ITCH: variants seen among roughly 807,000 people sequenced by gnomAD.
ITCH encodes E3 ubiquitin-protein ligase Itchy homolog.
Under a neutral mutation model 126.8 loss-of-function variants are expected in ITCH, and 28 were observed. That is an observed-to-expected ratio of 0.22 (90% confidence interval 0.16 to 0.30). The LOEUF (loss-of-function observed/expected upper bound fraction) is 0.30. Ranked by LOEUF, ITCH falls within the 10% of genes least tolerant of loss-of-function variation. ITCH has a pLI of 1.00. For missense variants in ITCH, 631 were observed against 1,032.4 expected, an observed-to-expected ratio of 0.61 and a Z score of 5.33; for synonymous variants, 342 against 340.0, an observed-to-expected ratio of 1.01 and a Z score of -0.06.
At chr20:34,408,299 A>G (rs185874766) in intron 3 of ITCH, among the ~76,000 whole-genome samples, 16 of 152,246 alleles carry the variant, frequency 1.1e-4, no homozygotes, top group Admixed American at 3.3e-4. Flanking sequence ...GTCTTCGACT[A>G]CTGAGCTTAG....
At position 34,369,395 on chromosome 20, in the gene ITCH, T is replaced by G. The variant is rs2037536807; in HGVS notation, c.-97T>G. Reference sequence around the variant, plus strand: ...AATGGACTCTCCTTCCTTTCTCAGGTACCATGCATTTCACGGTGGCCTTGT... The same window carrying G: ...AATGGACTCTCCTTCCTTTCTCAGGGACCATGCATTTCACGGTGGCCTTGT... On this transcript the variant is annotated splice_region_variant and 5_prime_UTR_variant, in exon 2 of 25. Coordinates refer to ENST00000374864, the MANE Select transcript of ITCH (RefSeq NM_031483.7). The G allele has an allele frequency of 7.5e-6, 3 of 398,872 alleles. No homozygotes were observed. Among genetic ancestry groups the G allele is most frequent in the African/African-American group, 2.1e-5 (1 of 48,606 alleles). 24.7% of individuals were successfully genotyped at this position (398,872 alleles called of 1,614,324 possible). A position where few individuals can be genotyped will look rare whatever the true frequency, so the allele number is the denominator to read the frequency against.
chr20:34,423,769 A>G (rs1221814897), intron 6 of ITCH, among the ~76,000 whole-genome samples: 2 of 152,004 alleles, frequency 1.3e-5, no homozygotes, highest in Non-Finnish European at 2.9e-5. Context: ...ACTCTTGGCT[A>G]ATTTTTGTAT....
chr20:34,368,000 G>T (rs1234518917), intron 1 of ITCH, among the ~76,000 whole-genome samples: 1 of 152,184 alleles, frequency 6.6e-6, no homozygotes, highest in Non-Finnish European at 1.5e-5. Context: ...GCCGGGCGCG[G>T]TGGCTCATGC....
At chr20:34,364,887 C>T (rs1344469639) in intron 1 of ITCH, among the ~76,000 whole-genome samples, 3 of 109,702 alleles carry the variant, frequency 2.7e-5, no homozygotes, top group South Asian at 3.4e-4. Context: ...CGAGACTCCG[C>T]CTCAAAAAAA....
At chr20:34,373,539 G>A (rs1230419796) in intron 2 of ITCH, among the ~76,000 whole-genome samples, 1 of 152,116 alleles carries the variant, frequency 6.6e-6, no homozygotes, top group Non-Finnish European at 1.5e-5. Context: ...GCCTCCCAAA[G>A]TGCTGGAATT....
At chr20:34,494,732 G>C (rs975153260) in intron 23 of ITCH, among the ~76,000 whole-genome samples, 13 of 152,118 alleles carry the variant, frequency 8.5e-5, no homozygotes, top group African/African-American at 2.2e-4. Context: ...GCTGAGGCAG[G>C]AGGAACACAC....
At chr20:34,485,315 C>T (rs771673688) in intron 20 of ITCH, among the ~76,000 whole-genome samples, 1 of 152,060 alleles carries the variant, frequency 6.6e-6, no homozygotes, top group Non-Finnish European at 1.5e-5. Flanking sequence ...GGAGTGAAAT[C>T]GCTGGGAAGG....
At chr20:34,464,396 G>A (rs1013426479) in intron 14 of ITCH, among the ~76,000 whole-genome samples, 6 of 147,798 alleles carry the variant, frequency 4.1e-5, no homozygotes, top group African/African-American at 1.5e-4. Flanking sequence ...GTGCGATCTC[G>A]GCTCACCACA....
At chr20:34,404,923 C>T (rs993573797) in intron 3 of ITCH, among the ~76,000 whole-genome samples, 9 of 151,688 alleles carry the variant, frequency 5.9e-5, no homozygotes, top group African/African-American at 2.2e-4. Context: ...CTCTTGAGCC[C>T]AGGAGTACAA....
At chr20:34,418,905 G>A (rs1980360399) in intron 6 of ITCH, among the ~76,000 whole-genome samples, 2 of 151,834 alleles carry the variant, frequency 1.3e-5, no homozygotes, top group Non-Finnish European at 2.9e-5. Flanking sequence ...GGGATTACAG[G>A]CAAGCGCCAC....
intron 4 of ITCH, among the ~76,000 whole-genome samples, chr20:34,410,579 A>G (rs1333876458): frequency 2.0e-5 from 3 of 152,140 alleles, no homozygotes; most frequent in African/African-American, 7.2e-5. Flanking sequence ...ATGACTGCAC[A>G]TGTTTGCAAT....
intron 3 of ITCH, among the ~76,000 whole-genome samples, chr20:34,406,576 C>T (rs897634579): frequency 3.0e-4 from 45 of 151,404 alleles, no homozygotes; most frequent in African/African-American, 9.9e-4. Flanking sequence ...GCTCTGTCAC[C>T]CAGGCTGGAG....
At chr20:34,507,062 T>C (rs929087838) in intron 24 of ITCH, among the ~76,000 whole-genome samples, 5 of 152,184 alleles carry the variant, frequency 3.3e-5, no homozygotes, top group Non-Finnish European at 5.9e-5. Flanking sequence ...TATCTGTCCA[T>C]GGCCCTGCTT....
chr20:34,442,374 C>T, intron 10 of ITCH, 71 bp downstream of exon 10: 1 of 1,110,708 alleles, frequency 9.0e-7, no homozygotes, highest in Non-Finnish European at 1.4e-6. Flanking sequence ...ATAATCTTCC[C>T]TACATTTCTG....
chr20:34,477,881 C>T, intron 17 of ITCH, 21 bp downstream of exon 17: 1 of 1,612,726 alleles, frequency 6.2e-7, no homozygotes, highest in Non-Finnish European at 8.5e-7. Context: ...TATGAATACT[C>T]AGAACTTAGT....
chr20:34,414,166 A>AT (rs1429697001), intron 6 of ITCH, among the ~76,000 whole-genome samples: 6 of 151,112 alleles, frequency 4.0e-5, no homozygotes, highest in Non-Finnish European at 7.4e-5. Context: ...AAAAGAAATG[A>AT]TTTTTTTCTT....
intron 6 of ITCH, among the ~76,000 whole-genome samples, chr20:34,415,216 A>T (rs1053764068): frequency 1.3e-5 from 2 of 152,224 alleles, no homozygotes; most frequent in Middle Eastern, 3.4e-3. Flanking sequence ...TTCTTTTTCT[A>T]CTTTGTTGAA....
At chr20:34,505,009 T>C (rs1438751056) in intron 24 of ITCH, among the ~76,000 whole-genome samples, 1 of 152,190 alleles carries the variant, frequency 6.6e-6, no homozygotes, top group Non-Finnish European at 1.5e-5. Context: ...TCTTAAATTA[T>C]GCAGTTCGGT....
At chr20:34,394,465 A>G (rs2038602442) in intron 3 of ITCH, among the ~76,000 whole-genome samples, 1 of 152,138 alleles carries the variant, frequency 6.6e-6, no homozygotes, top group East Asian at 1.9e-4. Context: ...CAGGTTACCC[A>G]TTTATTTATT....
Sources: allele counts gnomAD v4.1 joint callset (sites outside exome capture counted in the v4.1 genomes callset), GRCh38; gene constraint gnomAD v4.1.1; transcripts MANE v1.5; gene names NCBI Gene and HGNC (gene_info 2026-07-23, HGNC 2026-07-21).